Variants in RPRD1A observed in about 807,000 individuals in gnomAD.
RPRD1A encodes the protein regulation of nuclear pre-mRNA domain containing 1A, also known as regulation of nuclear pre-mRNA domain-containing protein 1A.
In RPRD1A, 9 loss-of-function variants were observed where a neutral mutation model predicts 37.8. The observed-to-expected ratio is 0.24, with a 90% CI of 0.14 to 0.42. RPRD1A has a LOEUF of 0.42. Ranked by LOEUF, RPRD1A falls within the 10% of genes least tolerant of loss-of-function variation. RPRD1A has a pLI of 1.00. For missense variants in RPRD1A, 255 were observed against 371.0 expected (o/e 0.69, Z 2.57); for synonymous variants, 138 against 139.7 (o/e 0.99, Z 0.08).
chr18:36,062,294 G>A (rs1479352165), intron 1 of RPRD1A, among the ~76,000 whole-genome samples: 1 of 143,732 alleles, frequency 7.0e-6, no homozygotes, highest in Non-Finnish European at 1.5e-5. Context: ...TCCGCAGTCC[G>A]GCCTGGGCGA....
chr18:35,998,880 A>G (rs1019540812), intron 6 of RPRD1A, among the ~76,000 whole-genome samples: 1 of 152,174 alleles, frequency 6.6e-6, no homozygotes, highest in East Asian at 1.9e-4. Context: ...CTAGTGAACT[A>G]GGAGGTGTGA....
chr18:36,017,797 C>T (rs1259842616), intron 6 of RPRD1A, among the ~76,000 whole-genome samples: 1 of 152,180 alleles, frequency 6.6e-6, no homozygotes, highest in African/African-American at 2.4e-5. Context: ...CTGTTACATA[C>T]TTTAACGTAA....
At chr18:36,011,196 G>A (rs72883037) in intron 6 of RPRD1A, among the ~76,000 whole-genome samples, 3,108 of 152,066 alleles carry the variant, frequency 0.02, 104 homozygotes, top group Admixed American at 0.084. Context: ...ACATAAAGTC[G>A]GTACAATTAT....
intron 6 of RPRD1A, among the ~76,000 whole-genome samples, chr18:36,008,383 G>C (rs1381991092): frequency 2.0e-5 from 3 of 151,348 alleles, no homozygotes; most frequent in Admixed American, 6.6e-5. Context: ...TCCAAGACCA[G>C]CCTGGGCAAC....
chr18:36,052,137 A>T (rs1913440683), intron 1 of RPRD1A, among the ~76,000 whole-genome samples: 2 of 137,056 alleles, frequency 1.5e-5, no homozygotes, highest in African/African-American at 5.6e-5. Flanking sequence ...ACAGTGAGAC[A>T]ATGTATTTAA....
At position 36,020,284 on chromosome 18, in the gene RPRD1A, G is replaced by C. The variant is rs983750627; in HGVS notation, c.789+6616C>G. ...TATCCCATATAACTAAAAGATGGAA[G>C]ATAAGAAGCTCAGCAAAAGAGTGTG... On this transcript the variant is annotated intron_variant, in intron 6 of 6. Coordinates refer to ENST00000399022, the MANE Select transcript of RPRD1A (RefSeq NM_018170.5). 3.9e-5 allele frequency among the ~76,000 whole-genome samples: 6 copies of C among 152,148 alleles called. No homozygotes were observed. The South Asian group carries it at 1.2e-3, about 32-fold the overall frequency.
At chr18:36,008,864 GTTAC>G (rs963021385) in intron 6 of RPRD1A, among the ~76,000 whole-genome samples, 1 of 151,666 alleles carries the variant, frequency 6.6e-6, no homozygotes, top group Non-Finnish European at 1.5e-5. Context: ...TTTTGACTCT[GTTAC>G]TTATGTTGTT....
chr18:36,023,035 TGA>T (rs1331689566), intron 6 of RPRD1A, among the ~76,000 whole-genome samples: 1 of 152,240 alleles, frequency 6.6e-6, no homozygotes, highest in Non-Finnish European at 1.5e-5. Context: ...ATGTACAATG[TGA>T]CTAGTGTTCA....
At chr18:36,062,750 G>A (rs2088942092) in intron 1 of RPRD1A, among the ~76,000 whole-genome samples, 1 of 152,138 alleles carries the variant, frequency 6.6e-6, no homozygotes, top group Non-Finnish European at 1.5e-5. Flanking sequence ...CCAATCTATA[G>A]AGGCAAAGTA....
intron 1 of RPRD1A, among the ~76,000 whole-genome samples, chr18:36,060,396 T>C (rs750838963): frequency 1.1e-4 from 16 of 152,132 alleles, no homozygotes; most frequent in Non-Finnish European, 2.1e-4. Context: ...ATCGCGCCAC[T>C]GCACTCCAGC....
At chr18:36,044,986 T>C (rs1413953853) in intron 1 of RPRD1A, among the ~76,000 whole-genome samples, 1 of 152,158 alleles carries the variant, frequency 6.6e-6, no homozygotes, top group African/African-American at 2.4e-5. Flanking sequence ...ATGCCTATAA[T>C]CACAGCACTT....
chr18:36,027,348 G>C (rs1383863739), intron 4 of RPRD1A, 38 bp from the exon 5 acceptor site: 5 of 1,608,112 alleles, frequency 3.1e-6, no homozygotes, highest in Admixed American at 1.7e-5. Context: ...AATAAATTGA[G>C]CTTAAACAAG....
chr18:35,996,271 T>G (rs113168653), intron 6 of RPRD1A, among the ~76,000 whole-genome samples: 3 of 152,200 alleles, frequency 2.0e-5, no homozygotes, highest in East Asian at 3.8e-4. Flanking sequence ...AAAACTTTTT[T>G]TTTTTAAAGA....
At chr18:36,031,725 T>C (rs1049363122) in intron 2 of RPRD1A, among the ~76,000 whole-genome samples, 2 of 152,202 alleles carry the variant, frequency 1.3e-5, no homozygotes, top group Non-Finnish European at 2.9e-5. Context: ...TAGAATTTTG[T>C]AAAGTCTTCT....
At chr18:36,020,520 T>C (rs1285093242) in intron 6 of RPRD1A, among the ~76,000 whole-genome samples, 1 of 152,214 alleles carries the variant, frequency 6.6e-6, no homozygotes, top group Non-Finnish European at 1.5e-5. Flanking sequence ...GAATCAGCAA[T>C]TTCATCTTTA....
At chr18:36,054,018 A>G (rs1459344808) in intron 1 of RPRD1A, among the ~76,000 whole-genome samples, 2 of 152,184 alleles carry the variant, frequency 1.3e-5, no homozygotes, top group Admixed American at 1.3e-4. Flanking sequence ...GAAGATGACA[A>G]AAAAGGGTTT....
intron 6 of RPRD1A, among the ~76,000 whole-genome samples, chr18:36,008,287 T>G (rs1026381698): frequency 6.6e-6 from 1 of 151,708 alleles, no homozygotes; most frequent in South Asian, 2.1e-4. Context: ...ATTTTAAAAA[T>G]TGTAATTAGA....
At chr18:36,022,066 T>C (rs1031723084) in intron 6 of RPRD1A, among the ~76,000 whole-genome samples, 3 of 152,200 alleles carry the variant, frequency 2.0e-5, no homozygotes, top group Non-Finnish European at 4.4e-5. Flanking sequence ...ACTGGTGATA[T>C]GTAGGAAGTT....
chr18:36,034,273 A>G lies in RPRD1A; in HGVS notation c.152-436T>C, dbSNP rs1030122084. ...ACAGGTTGAAAGAGATGTCCCTTCA[A>G]TCAATTACTATTTTTTGTTTATGCA... On this transcript the variant is annotated intron_variant, in intron 1 of 6. Coordinates refer to ENST00000399022, the MANE Select transcript of RPRD1A (RefSeq NM_018170.5). 3.3e-5 allele frequency among the ~76,000 whole-genome samples: 5 copies of G among 152,330 alleles called. No individual in the cohort carries two copies. The East Asian group carries it at 5.8e-4, about 18-fold the overall frequency.
Sources: gnomAD v4.1 joint callset for allele counts (sites outside exome capture counted in the v4.1 genomes callset) on GRCh38, gnomAD v4.1.1 for gene constraint, MANE v1.5 for transcripts, NCBI Gene and HGNC (gene_info 2026-07-23, HGNC 2026-07-21) for gene names.